AUTS2: variants seen among roughly 807,000 people sequenced by gnomAD.
AUTS2 encodes autism susceptibility gene 2 protein.
In AUTS2, 17 loss-of-function variants were observed where a neutral mutation model predicts 112.4. The observed-to-expected ratio is 0.15, with a 90% CI of 0.10 to 0.23. The LOEUF is 0.23. Among genes scored for constraint, AUTS2 ranks in the 10% least tolerant of loss-of-function variants. AUTS2 has a pLI of 1.00. For synonymous variants in AUTS2, 751 were observed against 702.7 expected, an observed-to-expected ratio of 1.07 and a Z score of -1.09; for missense variants, 1,510 against 1,701.6, an observed-to-expected ratio of 0.89 and a Z score of 1.98.
intron 6 of AUTS2, among the ~76,000 whole-genome samples, chr7:70,757,333 T>C (rs73704805): frequency 0.018 from 2,724 of 152,308 alleles, 87 homozygotes; most frequent in African/African-American, 0.062. Flanking sequence ...GATATCTCAT[T>C]GCACTCTCTT....
chr7:70,418,121 G>A (rs957455636), intron 4 of AUTS2, among the ~76,000 whole-genome samples: 1 of 151,510 alleles, frequency 6.6e-6, no homozygotes, highest in African/African-American at 2.4e-5. Flanking sequence ...GTCTGTGTGT[G>A]TAGACGGGGT....
rs577445349 is a variant in AUTS2, at chr7:70,518,688, A to C, written c.690+82907A>C. Among the ~76,000 whole-genome samples, 27 of 152,090 alleles carry C rather than the reference A, an allele frequency of 1.8e-4. No homozygotes were observed. The East Asian group carries it at 5.1e-3, about 29-fold the overall frequency. On this transcript the variant is annotated intron_variant, in intron 5 of 18. Transcript: ENST00000342771. ...ACAGAGTGAGACTCCGTCTCAAAAA[A>C]AAAAAAAAAATGTGTCGTTTTGTTT...
intron 1 of AUTS2, among the ~76,000 whole-genome samples, chr7:69,752,874 C>T (rs140211737): frequency 8.2e-4 from 125 of 152,178 alleles, no homozygotes; most frequent in African/African-American, 2.9e-3. Flanking sequence ...TTTGGATCTG[C>T]GGTGAGCTGA....
At chr7:70,258,159 C>T (rs1055164942) in intron 4 of AUTS2, among the ~76,000 whole-genome samples, 2 of 152,172 alleles carry the variant, frequency 1.3e-5, no homozygotes, top group African/African-American at 4.8e-5. Flanking sequence ...ACAGGTTACT[C>T]GCTACTTGTT....
chr7:70,153,416 G>C (rs1448576262), intron 4 of AUTS2, among the ~76,000 whole-genome samples: 2 of 152,136 alleles, frequency 1.3e-5, no homozygotes, highest in African/African-American at 4.8e-5. Context: ...TGCTTGGAGA[G>C]GCAGGCACAG....
chr7:69,698,373 C>G (rs1362406981), intron 1 of AUTS2, among the ~76,000 whole-genome samples: 4 of 152,188 alleles, frequency 2.6e-5, no homozygotes, highest in Non-Finnish European at 5.9e-5. Context: ...ACTTATTGAT[C>G]TAGTAGAAAA....
intron 2 of AUTS2, among the ~76,000 whole-genome samples, chr7:70,102,434 T>C (rs1300888024): frequency 6.6e-6 from 1 of 152,034 alleles, no homozygotes; most frequent in Non-Finnish European, 1.5e-5. Flanking sequence ...GTTTACTTTT[T>C]ATTTATTTTT....
chr7:69,972,525 C>G (rs183530930), intron 2 of AUTS2, among the ~76,000 whole-genome samples: 32 of 152,140 alleles, frequency 2.1e-4, no homozygotes, highest in African/African-American at 7.7e-4. Context: ...AAACTCTTTG[C>G]TTATCCTTTG....
intron 4 of AUTS2, among the ~76,000 whole-genome samples, chr7:70,280,863 A>C (rs932435834): frequency 1.3e-5 from 2 of 152,156 alleles, no homozygotes; most frequent in Non-Finnish European, 2.9e-5. Flanking sequence ...ACTAGTTCTT[A>C]AGTTTGCTCA....
chr7:70,533,724 C>G (rs1452803971), intron 5 of AUTS2, among the ~76,000 whole-genome samples: 1 of 152,198 alleles, frequency 6.6e-6, no homozygotes, highest in African/African-American at 2.4e-5. Flanking sequence ...CATAGTCAGA[C>G]AAAGAGTTGG....
At position 69,716,428 on chromosome 7, in the gene AUTS2, G is replaced by A. The variant is rs1478945453; in HGVS notation, c.309+116466G>A. 1.3e-5 allele frequency among the ~76,000 whole-genome samples: 2 copies of A among 151,946 alleles called. 1 individual carries two copies. The highest frequency in any genetic ancestry group is 2.9e-5 in the Non-Finnish European group (2 of 68,002). On this transcript the variant is annotated intron_variant, in intron 1 of 18. Coordinates refer to ENST00000342771, the MANE Select transcript of AUTS2 (RefSeq NM_015570.4). ...ACAAATTAAGAGAAATTTTCGATAG[G>A]GAAAAGAAGCAGGACAAGGACTGAA...
At chr7:70,212,623 A>G (rs1014524078) in intron 4 of AUTS2, among the ~76,000 whole-genome samples, 1 of 152,202 alleles carries the variant, frequency 6.6e-6, no homozygotes, top group African/African-American at 2.4e-5. Context: ...CATTAAAAAA[A>G]AATCTCTGGA....
chr7:70,486,888 T>A (rs1269324398), intron 5 of AUTS2, among the ~76,000 whole-genome samples: 1 of 124,768 alleles, frequency 8.0e-6, no homozygotes, highest in Non-Finnish European at 1.7e-5. Flanking sequence ...TGTTTTGTTG[T>A]TTTTGTATTC....
chr7:70,185,214 T>A (rs982689581), intron 4 of AUTS2, among the ~76,000 whole-genome samples: 1 of 151,596 alleles, frequency 6.6e-6, no homozygotes, highest in Non-Finnish European at 1.5e-5. Context: ...TAATTTGAAC[T>A]GTCAAAACCA....
intron 4 of AUTS2, among the ~76,000 whole-genome samples, chr7:70,289,690 TG>T (rs1156282198): frequency 1.3e-5 from 2 of 152,164 alleles, no homozygotes; most frequent in Non-Finnish European, 2.9e-5. Flanking sequence ...CCAAGATAGT[TG>T]GAGTGTTGAG....
chr7:70,763,479 G>T, intron 7 of AUTS2, 138 bp downstream of exon 7: 1 of 671,276 alleles, frequency 1.5e-6, no homozygotes, highest in South Asian at 2.2e-5. Flanking sequence ...ACTAGAGACA[G>T]GGAATGGGGC....
At position 70,766,350 on chromosome 7, in the gene AUTS2, A is replaced by G. The variant is rs974454872; in HGVS notation, c.1689+16A>G. The G allele has an allele frequency of 1.6e-5, 26 of 1,613,444 alleles. No individual in the cohort carries two copies. The highest frequency in any genetic ancestry group is 2.2e-5 in the Non-Finnish European group (26 of 1,179,772). ...ACCTCCCATGGTGCGTACCCCAGGC[A>G]GAAATGTGAGGATAAGTAGAGCACG... On this transcript the variant is annotated intron_variant, in intron 9 of 18. Transcript: ENST00000342771. This position sits in a 1 kb window ranked among gnomAD's most constrained non-coding sequence, Gnocchi z 4.8.
At chr7:69,671,318 TC>T (rs1796311538) in intron 1 of AUTS2, among the ~76,000 whole-genome samples, 1 of 152,190 alleles carries the variant, frequency 6.6e-6, no homozygotes. Flanking sequence ...AGAAATCTGT[TC>T]CGTCTTCTGT....
rs188063166 is a variant in AUTS2, at chr7:70,471,113, C to T, written c.690+35332C>T. Among the ~76,000 whole-genome samples, 215 of 152,274 alleles carry T rather than the reference C, an allele frequency of 1.4e-3. 2 individuals carry two copies. Among genetic ancestry groups the T allele is most frequent in the Middle Eastern group, 0.01 (3 of 294 alleles). Reference sequence around the variant, plus strand: ...AGCCCACTGGATATGTCTATTTCACCGCACAAAGGCTGTTGAAAGAAGGAT... The same window carrying T: ...AGCCCACTGGATATGTCTATTTCACTGCACAAAGGCTGTTGAAAGAAGGAT... On this transcript the variant is annotated intron_variant, in intron 5 of 18. Coordinates refer to ENST00000342771, the MANE Select transcript of AUTS2 (RefSeq NM_015570.4).
Sources: allele counts gnomAD v4.1 joint callset (sites outside exome capture counted in the v4.1 genomes callset), GRCh38; gene constraint gnomAD v4.1.1; non-coding constraint Gnocchi (gnomAD v3.1); transcripts MANE v1.5; gene names NCBI Gene and HGNC (gene_info 2026-07-23, HGNC 2026-07-21).